FYB1: variants seen among roughly 807,000 people sequenced by gnomAD.
FYB1 encodes FYN binding protein 1.
In FYB1, 41 loss-of-function variants were observed where a neutral mutation model predicts 94.1. That is an observed-to-expected ratio of 0.44 (90% CI 0.34 to 0.57). FYB1 has a LOEUF of 0.57. Among genes scored for constraint, FYB1 ranks in the 20% least tolerant of loss-of-function variants. The probability of loss-of-function intolerance (pLI) is 0.02; values close to 1 mark genes in which losing one functional copy is unlikely to be tolerated. For missense variants in FYB1, 1,050 were observed against 976.8 expected (o/e 1.07, Z -1.00); for synonymous variants, 367 against 353.2 (o/e 1.04, Z -0.44).
At position 39,122,373 on chromosome 5, in the gene FYB1, C is replaced by A; in HGVS notation, c.2101G>T (p.Asp701Tyr). ...DMGDEVYDDV[D>Y]TSDFPVSSAE... Reference sequence around the variant, plus strand: ...GATGAAACAGGGAAATCAGAGGTATCCACATCATCGTAAACTTCATCTCCC... The same window carrying A: ...GATGAAACAGGGAAATCAGAGGTATACACATCATCGTAAACTTCATCTCCC... Residue 701 changes from aspartate to tyrosine, a missense_variant, in exon 14 of 19, where the codon GAT becomes TAT. Asp to Tyr is a radical substitution (Grantham distance 160). Transcript: ENST00000512982. 6.3e-7 allele frequency: 1 copy of A among 1,581,058 alleles called. No homozygotes were observed. Among genetic ancestry groups the A allele is most frequent in the Admixed American group, 1.8e-5 (1 of 55,944 alleles).
At chr5:39,236,107 G>C (rs1255522976) in intron 1 of FYB1, among the ~76,000 whole-genome samples, 1 of 151,518 alleles carries the variant, frequency 6.6e-6, no homozygotes, top group East Asian at 1.9e-4. Context: ...ATAAATTCTA[G>C]GTGTGCCACA....
At chr5:39,223,936 G>T (rs745433966), upstream of FYB1, among the ~76,000 whole-genome samples, 4 of 152,116 alleles carry the variant, frequency 2.6e-5, no homozygotes, top group Non-Finnish European at 4.4e-5. Context: ...CTCTTCTCCA[G>T]GTGGAGAAAC....
chr5:39,252,084 G>C (rs992629627), intron 1 of FYB1, among the ~76,000 whole-genome samples: 1 of 152,172 alleles, frequency 6.6e-6, no homozygotes, highest in Admixed American at 6.5e-5. Context: ...GGCGGAGCTT[G>C]CAGTGAGCCA....
At chr5:39,161,479 A>C (rs1018495769) in intron 2 of FYB1, among the ~76,000 whole-genome samples, 19 of 152,026 alleles carry the variant, frequency 1.2e-4, no homozygotes, top group Non-Finnish European at 2.8e-4. Context: ...AATATATTCT[A>C]TGTATTTTTT....
chr5:39,239,206 T>C (rs1751100673), intron 1 of FYB1, among the ~76,000 whole-genome samples: 2 of 152,038 alleles, frequency 1.3e-5, no homozygotes, highest in Non-Finnish European at 2.9e-5. Flanking sequence ...GCCAACATCA[T>C]ACTAAATGGG....
intron 2 of FYB1, among the ~76,000 whole-genome samples, chr5:39,199,281 T>G (rs913473431): frequency 4.6e-5 from 7 of 152,276 alleles, no homozygotes; most frequent in South Asian, 2.1e-4. Flanking sequence ...TGATATATTT[T>G]AACCTTCCTA....
intron 2 of FYB1, among the ~76,000 whole-genome samples, chr5:39,159,605 A>C (rs1744067741): frequency 6.6e-6 from 1 of 152,164 alleles, no homozygotes; most frequent in Non-Finnish European, 1.5e-5. Flanking sequence ...TATTTTACTA[A>C]GAACATGGAG....
rs200342357 is a variant in FYB1 at position 39,202,373 on chromosome 5, G to A, written c.588C>T (p.Pro196=). 14 of 1,613,938 alleles carry A rather than the reference G, an allele frequency of 8.7e-6. No individual in the cohort carries two copies. Among genetic ancestry groups the A allele is most frequent in the Admixed American group, 1.7e-5 (1 of 60,014 alleles). ...TTAGGGGCGGCTTCTGGCCAAAGGC[G>A]GGTTTGGGGAAGAGGGGCTTGGGTT... is the stretch of plus-strand genomic sequence containing the variant. The part of the protein sequence containing the change: ...DLEPKPLFPK[P]AFGQKPPLST... The change falls in exon 2 of 19, where the codon CCC becomes CCT. Residue 196 remains proline, a synonymous_variant. Coordinates refer to ENST00000512982, the MANE Select transcript of FYB1 (RefSeq NM_001465.6).
chr5:39,205,111 C>A (rs1579671697), intron 1 of FYB1, among the ~76,000 whole-genome samples: 1 of 152,176 alleles, frequency 6.6e-6, no homozygotes, highest in African/African-American at 2.4e-5. Context: ...ATAATTATGG[C>A]AGTACCAAGA....
rs1431934232 is a variant in FYB1, at chr5:39,238,366, A to AT, written c.-27-35380dup. On this transcript the variant is annotated intron_variant, in intron 1 of 1. Transcript: ENST00000510188. Reference sequence around the variant, plus strand: ...AAATGCATTATATTTTTTTAGGTGAATTTTTTACTTTCTTCCTTTGAGTTT... The same window carrying AT: ...AAATGCATTATATTTTTTTAGGTGAATTTTTTTACTTTCTTCCTTTGAGTTT... Among the ~76,000 whole-genome samples the AT allele has an allele frequency of 2.0e-5, 3 of 151,864 alleles. No individual in the cohort carries two copies. The East Asian group carries it at 5.8e-4, about 29-fold the overall frequency.
chr5:39,185,380 A>G (rs1274183683), intron 2 of FYB1, among the ~76,000 whole-genome samples: 13 of 151,936 alleles, frequency 8.6e-5, no homozygotes. Flanking sequence ...GCTTTGTAGC[A>G]GTTAAATGTC....
chr5:39,251,596 C>T (rs1751711744), intron 1 of FYB1, among the ~76,000 whole-genome samples: 1 of 152,040 alleles, frequency 6.6e-6, no homozygotes. Context: ...GCACCCTATA[C>T]ATAGGAATGC....
rs34709432 is a variant in FYB1 at position 39,127,450 on chromosome 5, CA to C, written c.1907+290del. ...TGGGCGACAGAGTGAGACTCTGTCT[CA>C]AAAAAAAAAAAAAAAAAAAAAATAC... On this transcript the variant is annotated intron_variant, in intron 11 of 18. Transcript: ENST00000512982. Among the ~76,000 whole-genome samples, 4,192 of 66,350 alleles carry C rather than the reference CA, an allele frequency of 0.063. 89 individuals are homozygous for C. Among genetic ancestry groups the C allele is most frequent in the African/African-American group, 0.16 (3,347 of 21,308 alleles). 43.5% of individuals were successfully genotyped at this position (66,350 alleles called of 152,430 possible).
At chr5:39,108,133 A>G in intron 18 of FYB1, 98 bp downstream of exon 18, 1 of 1,121,870 alleles carries the variant, frequency 8.9e-7, no homozygotes, top group East Asian at 2.8e-5. Context: ...AATTCTGATC[A>G]GATTGGAAGT....
chr5:39,169,144 T>C (rs557318685), intron 2 of FYB1: 1 of 724,646 alleles, frequency 1.4e-6, no homozygotes, highest in East Asian at 2.5e-5. Flanking sequence ...TTTAGGCAAT[T>C]GGCCTTCTTG....
intron 1 of FYB1, among the ~76,000 whole-genome samples, chr5:39,216,078 C>G (rs1055814451): frequency 5.3e-5 from 8 of 152,058 alleles, no homozygotes; most frequent in African/African-American, 1.9e-4. Context: ...ACGAATCCTC[C>G]CCTAGAGCCT....
intron 7 of FYB1, among the ~76,000 whole-genome samples, chr5:39,135,896 A>T (rs918600305): frequency 9.2e-5 from 14 of 152,122 alleles, no homozygotes; most frequent in African/African-American, 3.4e-4. Flanking sequence ...TAGTTTTGAC[A>T]GACTTTTGAG....
chr5:39,169,706 C>A, intron 2 of FYB1: 1 of 455,158 alleles, frequency 2.2e-6, no homozygotes. Context: ...TTAGCCGGGC[C>A]AGTCGAAGGT....
At position 39,201,938 on chromosome 5, in the gene FYB1, G is replaced by T. The variant is rs1437514885; in HGVS notation, c.1023C>A (p.Thr341=). Residue 341 remains threonine, a synonymous_variant, in exon 2 of 19, where the codon ACC becomes ACA. Coordinates refer to ENST00000512982, the MANE Select transcript of FYB1 (RefSeq NM_001465.6). ...AGGGAGGCAATGGCTTCTGTTTCGGGGTGGCTGAATTCTTGTCTCCCTTTT... is the reference window on the plus strand; with the variant it reads ...AGGGAGGCAATGGCTTCTGTTTCGGTGTGGCTGAATTCTTGTCTCCCTTTT... ...EKEKGDKNSA[T]PKQKPLPPLF... is the part of the protein sequence containing the mutation. The T allele has an allele frequency of 1.9e-6, 3 of 1,613,900 alleles. No individual in the cohort carries two copies. The highest frequency in any genetic ancestry group is 1.3e-5 in the African/African-American group (1 of 74,926).
Sources: gnomAD v4.1 joint callset for allele counts (sites outside exome capture counted in the v4.1 genomes callset) on GRCh38, gnomAD v4.1.1 for gene constraint, MANE v1.5 for transcripts, NCBI Gene and HGNC (gene_info 2026-07-23, HGNC 2026-07-21) for gene names.